The following NRXN3 variants were observed in gnomAD, a reference collection of about 807,000 sequenced individuals.
NRXN3 encodes the protein neurexin 3, also known as neurexin III.
NRXN3 carries 32 observed loss-of-function variants against 137.6 expected under a neutral mutation model. The observed-to-expected ratio is 0.23, with a 90% CI of 0.18 to 0.31. The LOEUF (loss-of-function observed/expected upper bound fraction) is 0.31. Ranked by LOEUF, NRXN3 falls within the 10% of genes least tolerant of loss-of-function variation. The pLI, the probability that NRXN3 is intolerant of heterozygous loss-of-function variation, is 1.00. For missense variants in NRXN3, 1,574 were observed against 2,062.5 expected, an observed-to-expected ratio of 0.76 and a Z score of 4.59; for synonymous variants, 798 against 784.5, an observed-to-expected ratio of 1.02 and a Z score of -0.29.
intron 15 of NRXN3, among the ~76,000 whole-genome samples, chr14:78,989,394 T>C (rs1001846699): frequency 5.3e-5 from 8 of 152,194 alleles, no homozygotes; most frequent in Non-Finnish European, 1.2e-4. Flanking sequence ...ATATGCTCTT[T>C]CATTCTCTTA....
chr14:78,920,613 C>G (rs1264139806), intron 10 of NRXN3, among the ~76,000 whole-genome samples: 2 of 152,174 alleles, frequency 1.3e-5, no homozygotes, highest in Non-Finnish European at 2.9e-5. Context: ...AAGACTTCTG[C>G]TACTCTAGAC....
At chr14:78,863,069 C>T (rs1315785309) in intron 10 of NRXN3, among the ~76,000 whole-genome samples, 1 of 152,124 alleles carries the variant, frequency 6.6e-6, no homozygotes, top group East Asian at 1.9e-4. Flanking sequence ...TTAAGCTAAA[C>T]TCCTGCCCAA....
chr14:78,503,278 G>C (rs1370042955), intron 4 of NRXN3, among the ~76,000 whole-genome samples: 1 of 152,158 alleles, frequency 6.6e-6, no homozygotes, highest in Non-Finnish European at 1.5e-5. Flanking sequence ...AGCGAGGCTT[G>C]GTTGCTAAGA....
chr14:79,071,509 G>A (rs574795105), intron 15 of NRXN3, among the ~76,000 whole-genome samples: 9 of 152,216 alleles, frequency 5.9e-5, no homozygotes, highest in Non-Finnish European at 1.3e-4. Context: ...ATCTTCATAA[G>A]CAATTGACCC....
chr14:78,407,469 A>G (rs1196231641), intron 4 of NRXN3, among the ~76,000 whole-genome samples: 1 of 152,164 alleles, frequency 6.6e-6, no homozygotes, highest in Non-Finnish European at 1.5e-5. Context: ...ATGCTTTGGA[A>G]GGCCATTTTT....
At chr14:79,151,089 C>A (rs2059758902) in intron 15 of NRXN3, among the ~76,000 whole-genome samples, 1 of 151,986 alleles carries the variant, frequency 6.6e-6, no homozygotes, top group Non-Finnish European at 1.5e-5. Flanking sequence ...TAACAGAAGA[C>A]ATGCATTTAT....
At chr14:79,690,348 G>A (rs759838428) in intron 17 of NRXN3, among the ~76,000 whole-genome samples, 15 of 152,024 alleles carry the variant, frequency 9.9e-5, no homozygotes, top group Middle Eastern at 3.4e-3. Context: ...ATATTCTTTC[G>A]CCATGGGCTA....
chr14:79,754,898 T>C (rs1294421834), intron 19 of NRXN3, among the ~76,000 whole-genome samples: 1 of 152,122 alleles, frequency 6.6e-6, no homozygotes, highest in Admixed American at 6.6e-5. Flanking sequence ...CGCTCTGCTC[T>C]TCCCTTCTTT....
chr14:79,663,997 C>A, intron 17 of NRXN3, 48 bp downstream of exon 17: 1 of 1,585,878 alleles, frequency 6.3e-7, no homozygotes. Context: ...CTCTCCCATT[C>A]TCACTTTTCA....
intron 15 of NRXN3, among the ~76,000 whole-genome samples, chr14:79,175,543 A>G (rs1327277157): frequency 6.6e-6 from 1 of 152,236 alleles, no homozygotes; most frequent in Non-Finnish European, 1.5e-5. Flanking sequence ...ATACATGAAT[A>G]GGACATCTTA....
intron 15 of NRXN3, among the ~76,000 whole-genome samples, chr14:79,441,414 C>A (rs1046013132): frequency 9.0e-6 from 1 of 110,822 alleles, no homozygotes; most frequent in Admixed American, 1.4e-4. Flanking sequence ...GAGTCTCGCT[C>A]TGTTGTCCAG....
chr14:78,958,899 A>T (rs1272020637), intron 11 of NRXN3, among the ~76,000 whole-genome samples: 1 of 152,238 alleles, frequency 6.6e-6, no homozygotes, highest in Non-Finnish European at 1.5e-5. Context: ...TCTGTGAATA[A>T]GACAGTCAGT....
At chr14:79,577,832 A>T (rs1602370326) in intron 16 of NRXN3, among the ~76,000 whole-genome samples, 1 of 152,170 alleles carries the variant, frequency 6.6e-6, no homozygotes, top group Non-Finnish European at 1.5e-5. Flanking sequence ...CAGGATCAGG[A>T]TAGTGCTTCT....
At chr14:79,161,979 C>T (rs149060800) in intron 15 of NRXN3, among the ~76,000 whole-genome samples, 13 of 151,784 alleles carry the variant, frequency 8.6e-5, no homozygotes, top group East Asian at 3.9e-4. Flanking sequence ...ATCTAAGCTG[C>T]GGGTTCAGGT....
In NRXN3 at chr14:78,246,639, A is replaced by G. The variant is rs116925854; in HGVS notation, c.709+2837A>G. Among the ~76,000 whole-genome samples, 498 of 152,340 alleles carry G rather than the reference A, an allele frequency of 3.3e-3. 15 individuals carry two copies. The South Asian group carries it at 0.061, about 19-fold the overall frequency. Reference sequence around the variant, plus strand: ...TGGTAATTGTCATCAAGTCTAATCAATCACAAAAATGCATCACAGACTATT... The same window carrying G: ...TGGTAATTGTCATCAAGTCTAATCAGTCACAAAAATGCATCACAGACTATT... On this transcript the variant is annotated intron_variant, in intron 2 of 20. Transcript: ENST00000335750.
intron 4 of NRXN3, among the ~76,000 whole-genome samples, chr14:78,604,848 A>C (rs1601221121): frequency 1.3e-5 from 2 of 152,290 alleles, no homozygotes; most frequent in East Asian, 3.9e-4. Flanking sequence ...TGATAACAAT[A>C]AAGATCCATG....
At chr14:78,406,756 G>A (rs977112781) in intron 4 of NRXN3, among the ~76,000 whole-genome samples, 3 of 152,176 alleles carry the variant, frequency 2.0e-5, no homozygotes, top group African/African-American at 4.8e-5. Flanking sequence ...CTACCTTGCT[G>A]CATGCTGATA....
intron 4 of NRXN3, among the ~76,000 whole-genome samples, chr14:78,520,961 G>T: frequency 6.6e-6 from 1 of 152,146 alleles, no homozygotes; most frequent in East Asian, 1.9e-4. Flanking sequence ...TGTCAGTAGG[G>T]CTTTCTCCCC....
rs5809932 is a variant in NRXN3, at chr14:79,261,601, CTGTGTGTGTGTGTGTGTGTGTG to C, written c.3263-205599_3263-205578del. Among the ~76,000 whole-genome samples, 3 of 59,180 alleles carry C rather than the reference CTGTGTGTGTGTGTGTGTGTGTG, an allele frequency of 5.1e-5. No individual in the cohort carries two copies. In the East Asian group the frequency reaches 1.8e-3, roughly 35 times the overall value. The allele number at this position is 59,180 out of a possible 152,430, so 38.8% of individuals were successfully genotyped here. A position where few individuals can be genotyped will look rare whatever the true frequency, so the allele number is the denominator to read the frequency against. On this transcript the variant is annotated intron_variant, in intron 15 of 20. Transcript: ENST00000335750. Reference sequence around the variant, plus strand: ...TGAAATCCCACAGATAAGAAAGGTGCTGTGTGTGTGTGTGTGTGTGTGTGTGTGTGTGTGTGTGTGTGATGGG... The same window carrying C: ...TGAAATCCCACAGATAAGAAAGGTGCTGTGTGTGTGTGTGTGTGTGATGGG...
Sources: allele counts gnomAD v4.1 joint callset (sites outside exome capture counted in the v4.1 genomes callset), GRCh38; gene constraint gnomAD v4.1.1; transcripts MANE v1.5; gene names NCBI Gene and HGNC (gene_info 2026-07-23, HGNC 2026-07-21).